TELO2: variants seen among roughly 807,000 people sequenced by gnomAD.
TELO2 encodes telomere length regulation protein TEL2 homolog.
In TELO2, 71 loss-of-function variants were observed where a neutral mutation model predicts 91.0. The ratio of observed to expected loss-of-function variants is 0.78; its 90% CI spans 0.64 to 0.95. TELO2 has a LOEUF of 0.95. Among genes scored for constraint, TELO2 ranks in the 40% least tolerant of loss-of-function variants. The pLI is 0.00. For missense variants in TELO2, 1,183 were observed against 1,141.3 expected (o/e 1.04, Z -0.53); for synonymous variants, 584 against 518.9 (o/e 1.13, Z -1.71).
In TELO2 at chr16:1,507,596, G is replaced by A. The variant is rs375484274; in HGVS notation, c.2292-5G>A. 493 of 1,582,094 alleles carry A rather than the reference G, an allele frequency of 3.1e-4. No individual in the cohort carries two copies. The highest frequency in any genetic ancestry group is 1.5e-3 in the African/African-American group (113 of 74,878). On this transcript the variant is annotated splice_polypyrimidine_tract_variant and splice_region_variant and intron_variant, in intron 19 of 20. Transcript: ENST00000262319. ...CGAGCTCAGCCCCCGCCTTCTTGCCGGCAGCTACGTGCGCCAGGGGCTGTT... is the reference window on the plus strand; with the variant it reads ...CGAGCTCAGCCCCCGCCTTCTTGCCAGCAGCTACGTGCGCCAGGGGCTGTT...
In TELO2 at chr16:1,504,698, C is replaced by G. The variant is rs187545645; in HGVS notation, c.1843-712C>G. On this transcript the variant is annotated intron_variant, in intron 15 of 20. Coordinates refer to ENST00000262319, the MANE Select transcript of TELO2 (RefSeq NM_016111.4). ...TCAGCCTCCCGAGTAGCTGGGACTA[C>G]AGGCGCCCGCCACCACGCCCGGCTA... Among the ~76,000 whole-genome samples the G allele has an allele frequency of 1.6e-3, 249 of 151,166 alleles. 3 individuals are homozygous for G. In the East Asian group the frequency reaches 0.046, roughly 28 times the overall value.
intron 3 of TELO2, among the ~76,000 whole-genome samples, chr16:1,496,060 AGC>A (rs2039480810): frequency 6.6e-6 from 1 of 152,222 alleles, no homozygotes; most frequent in Non-Finnish European, 1.5e-5. Context: ...GCGTTTCACT[AGC>A]GAGAAGGAGG....
At position 1,505,716 on chromosome 16, in the gene TELO2, T is replaced by G; in HGVS notation, c.2034+115T>G. The G allele has an allele frequency of 7.7e-7, 1 of 1,302,722 alleles. No homozygotes were observed. 80.7% of individuals were successfully genotyped at this position (1,302,722 alleles called of 1,614,324 possible). On this transcript the variant is annotated intron_variant, in intron 16 of 20. Coordinates refer to ENST00000262319, the MANE Select transcript of TELO2 (RefSeq NM_016111.4). The surrounding 1 kb of genome is among the most constrained non-coding windows in gnomAD (Gnocchi z 4.3). ...GAGGGGCGGCCACATTCGCTGGGGA[T>G]GGTGCCTTTGCCGGGATTCCTGAAA...
intron 15 of TELO2, among the ~76,000 whole-genome samples, chr16:1,503,948 A>G (rs1423161575): frequency 6.6e-6 from 1 of 151,926 alleles, no homozygotes; most frequent in Non-Finnish European, 1.5e-5. Flanking sequence ...CCTGGTCAAC[A>G]TAGCAAGACC....
intron 3 of TELO2, 78 bp downstream of exon 3, chr16:1,495,701 C>T (rs2039465386): frequency 6.6e-7 from 1 of 1,505,200 alleles, no homozygotes; most frequent in Non-Finnish European, 8.9e-7. Context: ...TGGTGCCTCA[C>T]GGCCTCTGGA....
intron 17 of TELO2, chr16:1,506,724 G>A (rs985294881): frequency 1.0e-4 from 144 of 1,388,964 alleles, no homozygotes; most frequent in Non-Finnish European, 1.3e-4. Context: ...AGCAGGGGTG[G>A]GGGTCTCGGC....
At chr16:1,496,705 C>T (rs2039505457) in intron 3 of TELO2, among the ~76,000 whole-genome samples, 1 of 152,224 alleles carries the variant, frequency 6.6e-6, no homozygotes, top group Non-Finnish European at 1.5e-5. Context: ...AGGGCCCAGG[C>T]CTACCCTGCG....
rs373116032 is a variant in TELO2, at chr16:1,506,503, C to T, written c.2126+174C>T. ...TGGCAGGGAGCGTCCCGCAAGATTCCTCTGTGGTTGAGCTTTGCCATGAGG... is the reference window on the plus strand; with the variant it reads ...TGGCAGGGAGCGTCCCGCAAGATTCTTCTGTGGTTGAGCTTTGCCATGAGG... On this transcript the variant is annotated intron_variant, in intron 17 of 20. Transcript: ENST00000262319. 28 of 1,461,282 alleles carry T rather than the reference C, an allele frequency of 1.9e-5. No individual in the cohort carries two copies. In the South Asian group the frequency reaches 3.7e-4, roughly 20 times the overall value. 90.5% of individuals were successfully genotyped at this position (1,461,282 alleles called of 1,614,324 possible).
chr16:1,494,200 T>C lies in TELO2; in HGVS notation c.-36-46T>C. On this transcript the variant is annotated intron_variant, in intron 1 of 20. Transcript: ENST00000262319. The surrounding 1 kb of genome is among the most constrained non-coding windows in gnomAD (Gnocchi z 5.6). ...CACCGAGGGGCTTCCTGAGCTTGTG[T>C]GGATTATTTCCGTGCCCCAAGCTGA... 1 of 1,373,938 alleles carries C rather than the reference T, an allele frequency of 7.3e-7. No individual in the cohort carries two copies. The highest frequency in any genetic ancestry group is 1.0e-6 in the Non-Finnish European group (1 of 996,996). The allele number at this position is 1,373,938 out of a possible 1,614,324, so 85.1% of individuals were successfully genotyped here.
chr16:1,501,279 A>T, intron 9 of TELO2, 141 bp from the exon 10 acceptor site: 1 of 845,640 alleles, frequency 1.2e-6, no homozygotes, highest in Non-Finnish European at 1.8e-6. Context: ...TTTTAAAAAG[A>T]CACCTGGCTA....
At chr16:1,504,848 CG>C (rs1280994139) in intron 15 of TELO2, among the ~76,000 whole-genome samples, 1 of 151,604 alleles carries the variant, frequency 6.6e-6, no homozygotes, top group Non-Finnish European at 1.5e-5. Flanking sequence ...GGGTGGCGTT[CG>C]GAACATCCAC....
Position 1,505,590 on chromosome 16 carries a change from C to G in TELO2, c.2023C>G (p.Arg675Gly). Residue 675 changes from arginine (R) to glycine (G), a missense_variant, in exon 16 of 21, where the codon CGG becomes GGG. Physicochemically the swap from Arg to Gly is moderately radical, Grantham distance 125. Coordinates refer to ENST00000262319, the MANE Select transcript of TELO2 (RefSeq NM_016111.4). This position sits in a 1 kb window ranked among gnomAD's most constrained non-coding sequence, Gnocchi z 4.3. ...VEERIRSKTQ[R>G]LSKGGPRQGP... Reference sequence around the variant, plus strand: ...GGAGCGGATCAGAAGCAAGACCCAGCGGCTCTCCAAGGTTAGTGGCGCCTG... The same window carrying G: ...GGAGCGGATCAGAAGCAAGACCCAGGGGCTCTCCAAGGTTAGTGGCGCCTG... The G allele has an allele frequency of 6.6e-7, 1 of 1,513,946 alleles. No individual in the cohort carries two copies. The highest frequency in any genetic ancestry group is 9.0e-7 in the Non-Finnish European group (1 of 1,114,480). The allele number at this position is 1,513,946 out of a possible 1,614,324, so 93.8% of individuals were successfully genotyped here.
chr16:1,499,108 C>T (rs2039588354), intron 5 of TELO2, 123 bp from the exon 6 acceptor site: 7 of 910,354 alleles, frequency 7.7e-6, no homozygotes, highest in Non-Finnish European at 1.2e-5. Context: ...GAACCAGAGG[C>T]TCGTGGCTAG....
In TELO2 at chr16:1,497,623, G is replaced by A; in HGVS notation, c.830+115G>A. ...GCCGTGCTGCAGCTGGCACCCCCAT[G>A]TAGGTGCCACAGGGTGTGGGTGGTG... On this transcript the variant is annotated intron_variant, in intron 5 of 20. Coordinates refer to ENST00000262319, the MANE Select transcript of TELO2 (RefSeq NM_016111.4). The surrounding 1 kb of genome is among the most constrained non-coding windows in gnomAD (Gnocchi z 4.0). 1 of 1,394,268 alleles carries A rather than the reference G, an allele frequency of 7.2e-7. No homozygotes were observed. The highest frequency in any genetic ancestry group is 9.5e-7 in the Non-Finnish European group (1 of 1,052,568). The allele number at this position is 1,394,268 out of a possible 1,614,324, so 86.4% of individuals were successfully genotyped here. A position where few individuals can be genotyped will look rare whatever the true frequency, so the allele number is the denominator to read the frequency against.
At chr16:1,498,368 A>G (rs2039565943) in intron 5 of TELO2, among the ~76,000 whole-genome samples, 1 of 152,022 alleles carries the variant, frequency 6.6e-6, no homozygotes, top group Non-Finnish European at 1.5e-5. Context: ...AGGCATTTGT[A>G]TTCTTTTCTC....
In TELO2 at chr16:1,507,002, G is replaced by A. The variant is rs754011580; in HGVS notation, c.2177G>A (p.Arg726Lys). The A allele has an allele frequency of 6.2e-7, 1 of 1,612,328 alleles. No homozygotes were observed. Among genetic ancestry groups the A allele is most frequent in the Non-Finnish European group, 8.5e-7 (1 of 1,179,336 alleles). ...GGAGAAGACCAGCTGGTTCTCGGAAGGCTGGCGCACACCTTAGGGGCCCTG... is the reference window on the plus strand; with the variant it reads ...GGAGAAGACCAGCTGGTTCTCGGAAAGCTGGCGCACACCTTAGGGGCCCTG... ...LLGEDQLVLGRLAHTLGALMC... is the reference protein window; with the variant it reads ...LLGEDQLVLGKLAHTLGALMC... Residue 726 changes from arginine (R) to lysine (K), a missense_variant, in exon 18 of 21, where the codon AGG (arginine) becomes AAG (lysine). Coordinates refer to ENST00000262319, the MANE Select transcript of TELO2 (RefSeq NM_016111.4).
At chr16:1,509,642 G>T (rs1404504014) in intron 20 of TELO2, among the ~76,000 whole-genome samples, 188 bp from the exon 21 acceptor site, 1 of 152,232 alleles carries the variant, frequency 6.6e-6, no homozygotes, top group African/African-American at 2.4e-5. Flanking sequence ...GTACAGTGCT[G>T]CCTGCACAGA....
At chr16:1,496,173 C>T (rs1596250655) in intron 3 of TELO2, among the ~76,000 whole-genome samples, 1 of 152,330 alleles carries the variant, frequency 6.6e-6, no homozygotes, top group East Asian at 1.9e-4. Flanking sequence ...ACAGCTCAGA[C>T]GCAGGTCGAG....
rs1261426080 is a variant in TELO2 at position 1,494,021 on chromosome 16, G to A, written c.-36-225G>A. Among the ~76,000 whole-genome samples the A allele has an allele frequency of 6.6e-6, 1 of 152,226 alleles. No individual in the cohort carries two copies. Among genetic ancestry groups the A allele is most frequent in the East Asian group, 1.9e-4 (1 of 5,190 alleles). ...CAACTGAGAATGTTCCCTGGGCACA[G>A]TGGCCCGGGTTGAGAAGCCCTGCAG... is the stretch of plus-strand genomic sequence containing the variant. On this transcript the variant is annotated intron_variant, in intron 1 of 20. Coordinates refer to ENST00000262319, the MANE Select transcript of TELO2 (RefSeq NM_016111.4). This position sits in a 1 kb window ranked among gnomAD's most constrained non-coding sequence, Gnocchi z 5.6.
Sources: allele counts gnomAD v4.1 joint callset (sites outside exome capture counted in the v4.1 genomes callset), GRCh38; gene constraint gnomAD v4.1.1; non-coding constraint Gnocchi (gnomAD v3.1); transcripts MANE v1.5; gene names NCBI Gene and HGNC (gene_info 2026-07-23, HGNC 2026-07-21).